Variants in DNAH14 observed in about 807,000 individuals in gnomAD.
DNAH14 encodes dynein axonemal heavy chain 14.
DNAH14 carries 478 observed loss-of-function variants against 520.9 expected under a neutral mutation model. The ratio of observed to expected loss-of-function variants is 0.92; its 90% confidence interval spans 0.85 to 0.99. DNAH14 has a LOEUF of 0.99. Among genes scored for constraint, DNAH14 ranks in the 50% least tolerant of loss-of-function variants. The pLI, the probability that DNAH14 is intolerant of heterozygous loss-of-function variation, is 0.00. For missense variants in DNAH14, 4,831 were observed against 5,234.5 expected, an observed-to-expected ratio of 0.92 and a Z score of 2.38; for synonymous variants, 1,581 against 1,757.2, an observed-to-expected ratio of 0.90 and a Z score of 2.51.
intron 55 of DNAH14, among the ~76,000 whole-genome samples, chr1:225,290,514 C>T (rs1241880208): frequency 6.6e-6 from 1 of 151,118 alleles, no homozygotes; most frequent in Non-Finnish European, 1.5e-5. Flanking sequence ...GCTTCTGTTT[C>T]TCTCCATTAC....
chr1:225,380,188 T>C lies in DNAH14; in HGVS notation c.12746T>C (p.Met4249Thr), dbSNP rs2095762572. ...RPEQSKDELV[M>T]EILSDLLKRL... Reference sequence around the variant, plus strand: ...GAGCAGAGTAAGGATGAACTGGTGATGGAAATTCTATCCGACTTGCTAAAG... The same window carrying C: ...GAGCAGAGTAAGGATGAACTGGTGACGGAAATTCTATCCGACTTGCTAAAG... The change falls in exon 80 of 86, where the codon ATG becomes ACG. Residue 4249 changes from methionine (M) to threonine (T), a missense_variant. Transcript: ENST00000682510. 1.3e-6 allele frequency: 2 copies of C among 1,551,630 alleles called. No homozygotes were observed. The highest frequency in any genetic ancestry group is 1.7e-6 in the Non-Finnish European group (2 of 1,146,978).
intron 8 of DNAH14, among the ~76,000 whole-genome samples, chr1:224,981,942 T>A (rs752912790): frequency 6.6e-6 from 1 of 152,170 alleles, no homozygotes. Flanking sequence ...TAACTTATAA[T>A]AATTGAACAG....
intron 82 of DNAH14, 119 bp from the exon 83 acceptor site, chr1:225,389,615 C>A: frequency 8.5e-7 from 1 of 1,174,264 alleles, no homozygotes; most frequent in Non-Finnish European, 1.2e-6. Flanking sequence ...AAGAGTCCTG[C>A]ATTGGGGGAA....
intron 16 of DNAH14, 106 bp downstream of exon 16, chr1:225,050,482 C>T (rs2068431741): frequency 8.4e-7 from 1 of 1,193,396 alleles, no homozygotes; most frequent in Non-Finnish European, 1.1e-6. Flanking sequence ...CTATTCATAG[C>T]AATTGAAAAA....
At chr1:225,334,132 G>A (rs1290706799) in intron 66 of DNAH14, among the ~76,000 whole-genome samples, 2 of 152,086 alleles carry the variant, frequency 1.3e-5, no homozygotes, top group African/African-American at 4.8e-5. Flanking sequence ...TGGACTAAAT[G>A]TTCCAGTAAC....
At chr1:225,114,324 G>A (rs2076702595) in intron 23 of DNAH14, among the ~76,000 whole-genome samples, 1 of 152,020 alleles carries the variant, frequency 6.6e-6, no homozygotes, top group Non-Finnish European at 1.5e-5. Context: ...ACCCTGCCAG[G>A]TGCCCTATCC....
intron 84 of DNAH14, among the ~76,000 whole-genome samples, chr1:225,392,737 C>T (rs557868478): frequency 4.2e-4 from 64 of 152,228 alleles, no homozygotes; most frequent in Non-Finnish European, 7.3e-4. Context: ...CAGAATGCTG[C>T]TGAGGTCAGC....
In DNAH14 at chr1:224,968,752, T is replaced by C; in HGVS notation, c.652-7T>C. On this transcript the variant is annotated splice_polypyrimidine_tract_variant and splice_region_variant and intron_variant, in intron 6 of 85. Coordinates refer to ENST00000682510, the MANE Select transcript of DNAH14 (RefSeq NM_001367479.1). ...ATAAAATAATGCTTTTGTGCTTTAT[T>C]TTGTAGGTTATTAATATAGTTGGTA... The C allele has an allele frequency of 7.2e-7, 1 of 1,393,832 alleles. No homozygotes were observed. Among genetic ancestry groups the C allele is most frequent in the Non-Finnish European group, 9.6e-7 (1 of 1,046,686 alleles). 86.3% of individuals were successfully genotyped at this position (1,393,832 alleles called of 1,614,324 possible). A position where few individuals can be genotyped will look rare whatever the true frequency, so the allele number is the denominator to read the frequency against.
chr1:225,375,075 GA>G (rs2095679081), intron 78 of DNAH14, among the ~76,000 whole-genome samples, 190 bp downstream of exon 78: 1 of 152,056 alleles, frequency 6.6e-6, no homozygotes, highest in South Asian at 2.1e-4. Context: ...TAAACAAAAA[GA>G]ATGATTTAAA....
intron 11 of DNAH14, among the ~76,000 whole-genome samples, chr1:225,031,926 T>C (rs12561993): frequency 0.055 from 8,375 of 152,172 alleles, 473 homozygotes; most frequent in East Asian, 0.24. Context: ...ATCTAGTATT[T>C]CTTTCAGTTG....
chr1:225,004,045 T>C (rs889461001), intron 9 of DNAH14, among the ~76,000 whole-genome samples: 3 of 152,088 alleles, frequency 2.0e-5, no homozygotes, highest in Non-Finnish European at 2.9e-5. Flanking sequence ...CCTAGAGACC[T>C]CAGGCCATGT....
Position 225,399,265 on chromosome 1 carries a change from A to C in DNAH14, c.13850A>C (p.Lys4617Thr), listed in dbSNP as rs565352547. Residue 4617 changes from lysine to threonine, a missense_variant, in exon 86 of 86, where the codon AAA (lysine) becomes ACA (threonine). Transcript: ENST00000682510. ...GCATTGCTTTGTGAGAAGAATGAAA[A>C]ATAAATGTCCATATCAAACCATTTT... ...RVALLCEKNE[K>T] 7.5e-5 allele frequency: 117 copies of C among 1,550,130 alleles called. 4 individuals carry two copies. In the South Asian group the frequency reaches 1.3e-3, roughly 17 times the overall value.
At chr1:225,159,034 C>A (rs746931131) in intron 34 of DNAH14, among the ~76,000 whole-genome samples, 15 of 152,132 alleles carry the variant, frequency 9.9e-5, no homozygotes, top group South Asian at 2.1e-4. Context: ...AAATTCATTT[C>A]TTTTATTTGC....
chr1:225,280,864 A>G (rs1038217832), intron 54 of DNAH14, among the ~76,000 whole-genome samples: 2 of 152,158 alleles, frequency 1.3e-5, no homozygotes, highest in Non-Finnish European at 2.9e-5. Flanking sequence ...AAGGAGGAAA[A>G]ACCTCAAAAA....
At chr1:225,009,636 G>A (rs1040724800) in intron 10 of DNAH14, among the ~76,000 whole-genome samples, 22 of 152,066 alleles carry the variant, frequency 1.4e-4, no homozygotes, top group African/African-American at 4.6e-4. Flanking sequence ...TTCTAATTAC[G>A]TGAAGAAAGT....
chr1:225,229,574 A>C (rs143317912), intron 41 of DNAH14, among the ~76,000 whole-genome samples: 2,007 of 152,306 alleles, frequency 0.013, 22 homozygotes, highest in Middle Eastern at 0.037. Context: ...TACACCATGG[A>C]ATACTATGCA....
At position 225,345,955 on chromosome 1, in the gene DNAH14, TC is replaced by T; in HGVS notation, c.10679-6del. 6.5e-7 allele frequency: 1 copy of T among 1,537,220 alleles called. No individual in the cohort carries two copies. The highest frequency in any genetic ancestry group is 8.8e-7 in the Non-Finnish European group (1 of 1,140,322). On this transcript the variant is annotated splice_region_variant and splice_polypyrimidine_tract_variant and intron_variant, in intron 69 of 85. Transcript: ENST00000682510. Reference sequence around the variant, plus strand: ...TTTATTTAACTTCACTTTTTGTTTGTCTTTAGGATCCATATTAGATGATGAC... The same window carrying T: ...TTTATTTAACTTCACTTTTTGTTTGTTTTAGGATCCATATTAGATGATGAC...
chr1:225,129,360 G>A (rs1325986221), intron 27 of DNAH14, among the ~76,000 whole-genome samples: 2 of 151,924 alleles, frequency 1.3e-5, no homozygotes, highest in African/African-American at 4.8e-5. Context: ...GCATCACCAA[G>A]TCAATCCTAA....
chr1:224,967,361 C>A, intron 5 of DNAH14, 70 bp from the exon 6 acceptor site: 1 of 1,125,078 alleles, frequency 8.9e-7, no homozygotes, highest in South Asian at 2.0e-5. Flanking sequence ...AATCTGTTCA[C>A]CCATTGTATT....
Sources: allele counts gnomAD v4.1 joint callset (sites outside exome capture counted in the v4.1 genomes callset), GRCh38; gene constraint gnomAD v4.1.1; transcripts MANE v1.5; gene names NCBI Gene and HGNC (gene_info 2026-07-23, HGNC 2026-07-21).